Variants in SLC12A1 observed in about 807,000 individuals in gnomAD.
SLC12A1 encodes Na-K-2Cl cotransporter.
SLC12A1 carries 89 observed loss-of-function variants against 130.4 expected under a neutral mutation model. That is an observed-to-expected ratio of 0.68 (90% confidence interval 0.58 to 0.81). The LOEUF (loss-of-function observed/expected upper bound fraction) is 0.81, where lower values mean the gene tolerates loss of function less well. Ranked by LOEUF, SLC12A1 falls within the 40% of genes least tolerant of loss-of-function variation. The pLI is 0.00. For missense variants in SLC12A1, 1,310 were observed against 1,336.4 expected (o/e 0.98, Z 0.31); for synonymous variants, 499 against 460.0 (o/e 1.08, Z -1.09).
chr15:48,289,550 C>G (rs1485536042), intron 23 of SLC12A1, among the ~76,000 whole-genome samples: 2 of 151,484 alleles, frequency 1.3e-5, no homozygotes, highest in African/African-American at 2.4e-5. Context: ...CAGGCAATTT[C>G]CTATTGTGCA....
chr15:48,273,529 A>G (rs965926708), intron 19 of SLC12A1, among the ~76,000 whole-genome samples: 4 of 152,210 alleles, frequency 2.6e-5, no homozygotes, highest in African/African-American at 7.2e-5. Flanking sequence ...TCTACCTAAC[A>G]TAGAATCCAA....
intron 2 of SLC12A1, among the ~76,000 whole-genome samples, chr15:48,210,693 TAAAAAAAAAAA>T (rs34235092): frequency 8.2e-6 from 1 of 122,640 alleles, no homozygotes; most frequent in South Asian, 2.8e-4. Context: ...CTTCTCTACT[TAAAAAAAAAAA>T]AAAAAAAAAA....
In SLC12A1 at chr15:48,225,872, G is replaced by A. The variant is rs576817314; in HGVS notation, c.629-604G>A. Reference sequence around the variant, plus strand: ...CTGAGGTCTTGGTGTGATTATCATCGGCTTAGCCGTGACAGTGACTGGTAT... The same window carrying A: ...CTGAGGTCTTGGTGTGATTATCATCAGCTTAGCCGTGACAGTGACTGGTAT... On this transcript the variant is annotated intron_variant, in intron 4 of 26. Coordinates refer to ENST00000380993, the MANE Select transcript of SLC12A1 (RefSeq NM_000338.3). 2.8e-5 allele frequency: 28 copies of A among 984,138 alleles called. No individual in the cohort carries two copies. The East Asian group carries it at 5.7e-4, about 20-fold the overall frequency. The allele number at this position is 984,138 out of a possible 1,614,324, so 61.0% of individuals were successfully genotyped here. A position where few individuals can be genotyped will look rare whatever the true frequency, so the allele number is the denominator to read the frequency against.
intron 14 of SLC12A1, among the ~76,000 whole-genome samples, chr15:48,251,175 C>T (rs180898254): frequency 6.6e-6 from 1 of 152,148 alleles, no homozygotes; most frequent in East Asian, 1.9e-4. Context: ...GACTACTCCA[C>T]CTTCTCCAAG....
intron 2 of SLC12A1, among the ~76,000 whole-genome samples, chr15:48,215,988 G>A (rs1359983399): frequency 6.6e-6 from 1 of 152,152 alleles, no homozygotes; most frequent in Non-Finnish European, 1.5e-5. Context: ...GTAAGCAATG[G>A]AAATGGCTTC....
At position 48,267,721 on chromosome 15, in the gene SLC12A1, A is replaced by G. The variant is rs745569500; in HGVS notation, c.2295+20A>G. The G allele has an allele frequency of 1.2e-6, 2 of 1,612,296 alleles. No individual in the cohort carries two copies. Among genetic ancestry groups the G allele is most frequent in the Non-Finnish European group, 1.7e-6 (2 of 1,178,778 alleles). On this transcript the variant is annotated intron_variant, in intron 18 of 26. Transcript: ENST00000380993. ...CTTCAGGTAAGGCTGCATTGAGGGA[A>G]TGAGCACAGAGGCAAAAGACAATTA...
rs538608246 is a variant in SLC12A1 at position 48,255,087 on chromosome 15, AAAATAT to A, written c.1943-720_1943-715del. Among the ~76,000 whole-genome samples, 14 of 152,206 alleles carry A rather than the reference AAAATAT, an allele frequency of 9.2e-5. No individual in the cohort carries two copies. In the South Asian group the frequency reaches 2.9e-3, roughly 32 times the overall value. ...CCCATGCTATTCAGTTTTACTATTC[AAAATAT>A]AAAGATTACTGCACACTATCTGTGT... On this transcript the variant is annotated intron_variant, in intron 15 of 26. Coordinates refer to ENST00000380993, the MANE Select transcript of SLC12A1 (RefSeq NM_000338.3).
chr15:48,235,147 A>G (rs1597414713), intron 9 of SLC12A1, 143 bp downstream of exon 9: 1 of 917,220 alleles, frequency 1.1e-6, no homozygotes, highest in South Asian at 1.4e-5. Flanking sequence ...ATGATTTAAA[A>G]GTTCTCTCTT....
At position 48,285,161 on chromosome 15, in the gene SLC12A1, T is replaced by C; in HGVS notation, c.2541T>C (p.Asp847=). Residue 847 remains aspartate, a synonymous_variant, in exon 21 of 27, where the codon GAT becomes GAC. Coordinates refer to ENST00000380993, the MANE Select transcript of SLC12A1 (RefSeq NM_000338.3). ...ERLALEATIK[D]NECEEESGGI... is the part of the protein sequence containing the mutation. ...TAGCATTGGAAGCGACTATCAAAGA[T>C]AATGAGTGTGAAGAGGAAAGTGGAG... The C allele has an allele frequency of 1.9e-6, 3 of 1,613,646 alleles. No homozygotes were observed. Among genetic ancestry groups the C allele is most frequent in the Non-Finnish European group, 2.5e-6 (3 of 1,179,656 alleles).
At chr15:48,249,482 T>C in intron 13 of SLC12A1, 93 bp from the exon 14 acceptor site, 2 of 973,638 alleles carry the variant, frequency 2.1e-6, no homozygotes, top group South Asian at 1.3e-5. Context: ...TGTTTTCAAT[T>C]TCCAAATAAA....
chr15:48,220,817 T>C, intron 3 of SLC12A1, 52 bp downstream of exon 3: 1 of 1,613,174 alleles, frequency 6.2e-7, no homozygotes, highest in Admixed American at 1.7e-5. Context: ...AATGTTCTAG[T>C]GGATTAAGAG....
intron 9 of SLC12A1, among the ~76,000 whole-genome samples, chr15:48,239,969 T>C (rs1331322314): frequency 6.7e-6 from 1 of 148,214 alleles, no homozygotes; most frequent in African/African-American, 2.5e-5. Flanking sequence ...AGTTTTTGTG[T>C]TTTAGGTATA....
At chr15:48,227,102 C>T (rs572417154) in intron 5 of SLC12A1, 4 of 1,552,018 alleles carry the variant, frequency 2.6e-6, no homozygotes, top group South Asian at 2.4e-5. Context: ...CATCATTGGC[C>T]TAAGTGTGGT....
chr15:48,302,296 T>G (rs1033361222), intron 26 of SLC12A1, among the ~76,000 whole-genome samples: 4 of 152,082 alleles, frequency 2.6e-5, no homozygotes, highest in African/African-American at 9.7e-5. Flanking sequence ...TAAAAATAAT[T>G]TTGGTGCTTT....
chr15:48,220,893 C>T (rs1489298721), intron 3 of SLC12A1, 28 bp from the exon 4 acceptor site: 3 of 1,613,154 alleles, frequency 1.9e-6, no homozygotes, highest in African/African-American at 2.7e-5. Context: ...TTTGTCCTGT[C>T]TCCTTTCAAT....
rs2041870266 is a variant in SLC12A1, at chr15:48,269,605, G to A, written c.2296-53G>A. 12 of 889,050 alleles carry A rather than the reference G, an allele frequency of 1.3e-5. No individual in the cohort carries two copies. In the Admixed American group the frequency reaches 1.7e-4, roughly 13 times the overall value. 55.1% of individuals were successfully genotyped at this position (889,050 alleles called of 1,614,324 possible). On this transcript the variant is annotated intron_variant, in intron 18 of 26. Coordinates refer to ENST00000380993, the MANE Select transcript of SLC12A1 (RefSeq NM_000338.3). Reference sequence around the variant, plus strand: ...TTAGACATTATTTTTCATTTGTGATGGTAGTTTCCCAGTACGGTAAGGATT... The same window carrying A: ...TTAGACATTATTTTTCATTTGTGATAGTAGTTTCCCAGTACGGTAAGGATT...
chr15:48,299,125 T>A lies in SLC12A1; in HGVS notation c.2961-15T>A. The A allele has an allele frequency of 1.3e-6, 2 of 1,596,962 alleles. No homozygotes were observed. The highest frequency in any genetic ancestry group is 1.7e-6 in the Non-Finnish European group (2 of 1,174,528). On this transcript the variant is annotated splice_polypyrimidine_tract_variant and intron_variant, in intron 24 of 26. Transcript: ENST00000380993. ...GTTTCCCACTGTGAGGCCTCCTTTATAATTCAAATTTTAGCTGGAAAGTCT... is the reference window on the plus strand; with the variant it reads ...GTTTCCCACTGTGAGGCCTCCTTTAAAATTCAAATTTTAGCTGGAAAGTCT...
At position 48,227,493 on chromosome 15, in the gene SLC12A1, C is replaced by T. The variant is rs144471636; in HGVS notation, c.724+922C>T. The T allele has an allele frequency of 3.5e-4, 121 of 347,894 alleles. 3 individuals carry two copies. The East Asian group carries it at 8.6e-3, about 25-fold the overall frequency. 21.6% of individuals were successfully genotyped at this position (347,894 alleles called of 1,614,324 possible). The stretch of plus-strand genomic sequence containing the variant: ...GAGACCCACTGGCTCTCTCGCAGGT[C>T]CTCTCAGCATGGGTCTTCTCCAATG... On this transcript the variant is annotated intron_variant, in intron 5 of 26. Transcript: ENST00000380993.
Position 48,226,482 on chromosome 15 carries a change from G to C in SLC12A1, c.635G>C (p.Gly212Ala). The change falls in exon 5 of 27, where the codon GGA becomes GCA. Residue 212 changes from glycine (G) to alanine (A), a missense_variant. Transcript: ENST00000380993. The stretch of plus-strand genomic sequence containing the variant: ...TATCTTTCATTGCTAACAGGTCTTG[G>C]AGTTCTCATAATTCTTCTTTCCACC... ...WIVGEAGIGLGVLIILLSTMV... is the reference protein window; with the variant it reads ...WIVGEAGIGLAVLIILLSTMV... 6.3e-7 allele frequency: 1 copy of C among 1,582,098 alleles called. No homozygotes were observed. Among genetic ancestry groups the C allele is most frequent in the South Asian group, 1.2e-5 (1 of 86,642 alleles).
Sources: gnomAD v4.1 joint callset for allele counts (sites outside exome capture counted in the v4.1 genomes callset) on GRCh38, gnomAD v4.1.1 for gene constraint, MANE v1.5 for transcripts, NCBI Gene and HGNC (gene_info 2026-07-23, HGNC 2026-07-21) for gene names.